KCNIP4: variants seen among roughly 807,000 people sequenced by gnomAD.
KCNIP4 encodes the protein Kv channel-interacting protein 4.
KCNIP4 carries 12 observed loss-of-function variants against 34.0 expected under a neutral mutation model. The observed-to-expected ratio is 0.35, with a 90% CI of 0.23 to 0.57. KCNIP4 has a LOEUF of 0.57. Ranked by LOEUF, KCNIP4 falls within the 20% of genes least tolerant of loss-of-function variation. KCNIP4 has a pLI of 0.83. For synonymous variants in KCNIP4, 124 were observed against 102.2 expected, an observed-to-expected ratio of 1.21 and a Z score of -1.29; for missense variants, 238 against 311.7, an observed-to-expected ratio of 0.76 and a Z score of 1.78.
At chr4:20,733,317 C>G (rs1342884649) in intron 6 of KCNIP4, among the ~76,000 whole-genome samples, 1 of 151,890 alleles carries the variant, frequency 6.6e-6, no homozygotes, top group Non-Finnish European at 1.5e-5. Context: ...AAATTTTGAC[C>G]CTGGGAAACA....
chr4:21,326,982 A>G (rs938103253), intron 1 of KCNIP4, among the ~76,000 whole-genome samples: 1 of 151,904 alleles, frequency 6.6e-6, no homozygotes, highest in African/African-American at 2.4e-5. Flanking sequence ...TTCTGTTTAT[A>G]TCTTATTATT....
At chr4:21,616,958 A>C (rs1022448845) in intron 1 of KCNIP4, among the ~76,000 whole-genome samples, 3 of 152,170 alleles carry the variant, frequency 2.0e-5, no homozygotes, top group African/African-American at 7.2e-5. Context: ...AGTTCCCCAA[A>C]ATATTTATTT....
chr4:21,192,512 C>T (rs1185031551), intron 1 of KCNIP4, among the ~76,000 whole-genome samples: 2 of 152,060 alleles, frequency 1.3e-5, no homozygotes, highest in African/African-American at 4.8e-5. Context: ...TTATAAAGGA[C>T]AGGTTTCATT....
chr4:21,291,548 C>T (rs971245753), intron 1 of KCNIP4, among the ~76,000 whole-genome samples: 2 of 152,066 alleles, frequency 1.3e-5, no homozygotes, highest in African/African-American at 4.8e-5. Flanking sequence ...AATGCACCAC[C>T]ATTAAAAATA....
chr4:20,731,569 A>ATGAC (rs1366694183), intron 8 of KCNIP4: 1 of 985,286 alleles, frequency 1.0e-6, no homozygotes, highest in Non-Finnish European at 1.2e-6. Flanking sequence ...CACTAAAACA[A>ATGAC]TGACTTTTCT....
intron 1 of KCNIP4, among the ~76,000 whole-genome samples, chr4:21,425,276 T>C (rs1725836564): frequency 6.6e-6 from 1 of 152,208 alleles, no homozygotes; most frequent in African/African-American, 2.4e-5. Flanking sequence ...ATTAACAAAA[T>C]AGCCAATTTT....
intron 1 of KCNIP4, among the ~76,000 whole-genome samples, chr4:21,401,056 G>T (rs1181753237): frequency 6.6e-6 from 1 of 152,128 alleles, no homozygotes; most frequent in Non-Finnish European, 1.5e-5. Context: ...AGCTACTCGG[G>T]AGGCTGAGGC....
intron 1 of KCNIP4, among the ~76,000 whole-genome samples, chr4:21,239,466 A>G (rs1253891849): frequency 6.6e-6 from 1 of 151,786 alleles, no homozygotes; most frequent in African/African-American, 2.4e-5. Flanking sequence ...AAATTTTTGC[A>G]ACTTACTCAT....
intron 1 of KCNIP4, among the ~76,000 whole-genome samples, chr4:21,659,711 C>G (rs980473426): frequency 2.0e-5 from 3 of 151,930 alleles, no homozygotes; most frequent in African/African-American, 7.3e-5. Flanking sequence ...TTTTGAGACC[C>G]CATGATAAAA....
intron 1 of KCNIP4, among the ~76,000 whole-genome samples, chr4:21,470,912 C>T (rs1577414878): frequency 6.6e-6 from 1 of 152,254 alleles, no homozygotes; most frequent in African/African-American, 2.4e-5. Context: ...TTTGGATCAG[C>T]AGCCAGGATG....
At chr4:21,528,210 C>G (rs2108965807) in intron 1 of KCNIP4, among the ~76,000 whole-genome samples, 1 of 152,256 alleles carries the variant, frequency 6.6e-6, no homozygotes, top group South Asian at 2.1e-4. Context: ...CTTTAAACTA[C>G]TTTGCAGTCT....
intron 1 of KCNIP4, among the ~76,000 whole-genome samples, chr4:21,518,040 A>G (rs1021760744): frequency 6.6e-6 from 1 of 152,182 alleles, no homozygotes; most frequent in African/African-American, 2.4e-5. Context: ...TCAAGGTCAT[A>G]CTGCTAGTAA....
chr4:21,579,374 T>C (rs1741024752), intron 1 of KCNIP4, among the ~76,000 whole-genome samples: 1 of 152,228 alleles, frequency 6.6e-6, no homozygotes. Flanking sequence ...CCCAGAAGAA[T>C]ATATTAAGAA....
At chr4:20,784,027 C>A (rs1711586882) in intron 3 of KCNIP4, among the ~76,000 whole-genome samples, 1 of 152,050 alleles carries the variant, frequency 6.6e-6, no homozygotes, top group African/African-American at 2.4e-5. Context: ...TTCTCTGAGG[C>A]ATCACAGGGT....
chr4:21,052,521 A>C (rs73101741), intron 1 of KCNIP4, among the ~76,000 whole-genome samples: 15,769 of 152,228 alleles, frequency 0.1, 887 homozygotes, highest in South Asian at 0.15. Context: ...GCAATGTCTT[A>C]CAAAAGGCAC....
intron 1 of KCNIP4, among the ~76,000 whole-genome samples, chr4:20,971,745 T>A (rs1168482155): frequency 6.6e-6 from 1 of 152,190 alleles, no homozygotes; most frequent in Non-Finnish European, 1.5e-5. Context: ...TTGTGGCAGT[T>A]TCTTAAAATA....
chr4:21,634,100 G>A (rs149251437), intron 1 of KCNIP4, among the ~76,000 whole-genome samples: 26 of 151,628 alleles, frequency 1.7e-4, no homozygotes, highest in Middle Eastern at 6.9e-3. Flanking sequence ...GAATCTCAGA[G>A]GTCCACACCT....
At chr4:20,983,239 AT>A (rs879374499) in intron 1 of KCNIP4, among the ~76,000 whole-genome samples, 3 of 152,244 alleles carry the variant, frequency 2.0e-5, no homozygotes, top group Non-Finnish European at 2.9e-5. Flanking sequence ...CAGGACACAC[AT>A]GAGCAATGAG....
At chr4:20,996,348 T>G (rs1737552375) in intron 1 of KCNIP4, among the ~76,000 whole-genome samples, 1 of 152,232 alleles carries the variant, frequency 6.6e-6, no homozygotes, top group Admixed American at 6.5e-5. Context: ...TCAATAGCTG[T>G]CCATTATATT....
Sources: gnomAD v4.1 joint callset for allele counts (sites outside exome capture counted in the v4.1 genomes callset) on GRCh38, gnomAD v4.1.1 for gene constraint, MANE v1.5 for transcripts, NCBI Gene and HGNC (gene_info 2026-07-23, HGNC 2026-07-21) for gene names.